TRABD2B: variants seen among roughly 807,000 people sequenced by gnomAD.
TRABD2B encodes TraB domain containing 2B, also known as metalloprotease TIKI2.
In TRABD2B, 14 loss-of-function variants were observed where a neutral mutation model predicts 40.1. The observed-to-expected ratio is 0.35, with a 90% CI of 0.23 to 0.55. The LOEUF (loss-of-function observed/expected upper bound fraction) is 0.55, where lower values mean the gene tolerates loss of function less well. Ranked by LOEUF, TRABD2B falls within the 20% of genes least tolerant of loss-of-function variation. The pLI, the probability that TRABD2B is intolerant of heterozygous loss-of-function variation, is 0.90. For synonymous variants in TRABD2B, 263 were observed against 277.0 expected (o/e 0.95, Z 0.50); for missense variants, 541 against 648.6 (o/e 0.83, Z 1.80).
At chr1:47,794,518 G>T (rs1186899629) in intron 4 of TRABD2B, 68 bp downstream of exon 4, 2 of 1,453,234 alleles carry the variant, frequency 1.4e-6, no homozygotes, top group East Asian at 2.6e-5. Context: ...ATGAAGTAGA[G>T]GTTAGGGGAG....
intron 2 of TRABD2B, among the ~76,000 whole-genome samples, chr1:47,944,606 T>C (rs1384387250): frequency 6.6e-6 from 1 of 152,146 alleles, no homozygotes; most frequent in Non-Finnish European, 1.5e-5. Flanking sequence ...CTGAAGCCCC[T>C]CTACACATTT....
In TRABD2B at chr1:47,946,664, A is replaced by G. The variant is rs565762750; in HGVS notation, c.666+47370T>C. 2.6e-5 allele frequency among the ~76,000 whole-genome samples: 4 copies of G among 152,300 alleles called. No homozygotes were observed. In the East Asian group the frequency reaches 7.7e-4, roughly 29 times the overall value. ...AATTTTGTTGAGAGTTTTTGCATCA[A>G]TTTAATGACACAAGGGGTTTTGGTC... On this transcript the variant is annotated intron_variant, in intron 2 of 6. Coordinates refer to ENST00000606738, the MANE Select transcript of TRABD2B (RefSeq NM_001194986.2).
intron 2 of TRABD2B, among the ~76,000 whole-genome samples, chr1:47,950,862 T>G (rs901697597): frequency 1.1e-4 from 17 of 152,232 alleles, no homozygotes; most frequent in Admixed American, 1.0e-3. Context: ...AAAAAGGCAA[T>G]GGAAACTCCA....
chr1:47,947,602 A>AGGTT (rs1645277288), intron 2 of TRABD2B, among the ~76,000 whole-genome samples: 1 of 152,102 alleles, frequency 6.6e-6, no homozygotes, highest in Admixed American at 6.5e-5. Context: ...ACATGGTTGG[A>AGGTT]GGAGTTCGGG....
At chr1:47,790,586 A>T (rs536433973) in intron 4 of TRABD2B, among the ~76,000 whole-genome samples, 3 of 152,314 alleles carry the variant, frequency 2.0e-5, no homozygotes, top group Admixed American at 6.5e-5. Flanking sequence ...TTTCCACAAA[A>T]TCATCAACAC....
intron 2 of TRABD2B, among the ~76,000 whole-genome samples, chr1:47,956,351 G>A (rs1447063269): frequency 2.0e-5 from 3 of 152,184 alleles, no homozygotes; most frequent in East Asian, 3.9e-4. Flanking sequence ...TCATCTCACT[G>A]GGGCTTGTCG....
At chr1:47,792,289 A>G (rs1174491129) in intron 4 of TRABD2B, among the ~76,000 whole-genome samples, 2 of 152,190 alleles carry the variant, frequency 1.3e-5, no homozygotes, top group Non-Finnish European at 2.9e-5. Context: ...TCATTCTTTC[A>G]TTCACTCAGC....
intron 2 of TRABD2B, among the ~76,000 whole-genome samples, chr1:47,853,024 G>A (rs1001510455): frequency 6.6e-6 from 1 of 152,090 alleles, no homozygotes; most frequent in Non-Finnish European, 1.5e-5. Flanking sequence ...AAGGGGGGTG[G>A]GTGGGAAAGC....
intron 2 of TRABD2B, among the ~76,000 whole-genome samples, chr1:47,933,030 A>G (rs1327753823): frequency 6.6e-6 from 1 of 152,094 alleles, no homozygotes; most frequent in Non-Finnish European, 1.5e-5. Flanking sequence ...ATGAGTGGCA[A>G]TGAGCAGACC....
At position 47,778,450 on chromosome 1, in the gene TRABD2B, T is replaced by C; in HGVS notation, c.1079+4A>G. The C allele has an allele frequency of 6.5e-7, 1 of 1,535,044 alleles. No homozygotes were observed. Among genetic ancestry groups the C allele is most frequent in the Non-Finnish European group, 8.7e-7 (1 of 1,145,900 alleles). On this transcript the variant is annotated splice_donor_region_variant and intron_variant, in intron 5 of 6. Transcript: ENST00000606738. ...GGGCCAAGGCACACCCAGATGTGGC[T>C]TACCTGTGTATGGCCTGCCCGGCGG...
chr1:47,770,720 A>G (rs1218198121), intron 6 of TRABD2B, among the ~76,000 whole-genome samples: 1 of 152,192 alleles, frequency 6.6e-6, no homozygotes, highest in Non-Finnish European at 1.5e-5. Flanking sequence ...CCTCACTAGC[A>G]CTAAATGCAG....
intron 2 of TRABD2B, among the ~76,000 whole-genome samples, chr1:47,843,034 C>T (rs111693915): frequency 0.02 from 2,988 of 151,920 alleles, 102 homozygotes; most frequent in African/African-American, 0.068. Context: ...GGCAGCTGCC[C>T]GAAGGACAGC....
rs1015804168 is a variant in TRABD2B, at chr1:47,794,635, C to T, written c.939G>A (p.Ala313=). The change falls in exon 4 of 7, where the codon GCG becomes GCA. Residue 313 remains alanine (A), a synonymous_variant. Transcript: ENST00000606738. ...RNERMGKRVM[A]LLRENEDKIC... ...TCTTGTCCTCGTTCTCCCGTAGAAG[C>T]GCCATGACCCTCTTCCCCATGCGCT... The T allele has an allele frequency of 1.3e-5, 20 of 1,535,924 alleles. No homozygotes were observed. Among genetic ancestry groups the T allele is most frequent in the African/African-American group, 4.1e-5 (3 of 72,992 alleles).
chr1:47,776,316 C>T (rs968509441), intron 5 of TRABD2B, among the ~76,000 whole-genome samples: 2 of 152,188 alleles, frequency 1.3e-5, no homozygotes, highest in African/African-American at 2.4e-5. Context: ...ACTTGCAAGC[C>T]GTGTGATGAA....
At chr1:47,806,577 GC>G (rs1354600607) in intron 2 of TRABD2B, among the ~76,000 whole-genome samples, 2 of 152,158 alleles carry the variant, frequency 1.3e-5, no homozygotes, top group African/African-American at 4.8e-5. Context: ...CTGTGTGGAG[GC>G]CCAGCCACCA....
chr1:47,824,825 ACAT>A (rs963906002), intron 2 of TRABD2B, among the ~76,000 whole-genome samples: 1 of 152,178 alleles, frequency 6.6e-6, no homozygotes, highest in Non-Finnish European at 1.5e-5. Context: ...CCAGAGTGGC[ACAT>A]CATAAATAGT....
intron 2 of TRABD2B, among the ~76,000 whole-genome samples, chr1:47,851,632 C>T (rs1378114567): frequency 1.3e-5 from 2 of 152,316 alleles, no homozygotes; most frequent in East Asian, 3.9e-4. Context: ...CTGTCATTTG[C>T]TCGGACAAGT....
chr1:47,925,184 T>C (rs902758627), intron 2 of TRABD2B, among the ~76,000 whole-genome samples: 23 of 152,178 alleles, frequency 1.5e-4, no homozygotes, highest in African/African-American at 5.1e-4. Context: ...CTTGTTACTC[T>C]CCCTCAAAAC....
In TRABD2B at chr1:47,782,274, G is replaced by A. The variant is rs546469891; in HGVS notation, c.989-3730C>T. On this transcript the variant is annotated intron_variant, in intron 4 of 6. Transcript: ENST00000606738. The stretch of plus-strand genomic sequence containing the variant: ...TTCTCCTCGCTCCTCATCTTCATAC[G>A]ATCAGTTCCCAGAGGCCCCCTGCTG... Among the ~76,000 whole-genome samples, 40 of 152,212 alleles carry A rather than the reference G, an allele frequency of 2.6e-4. 1 individual carries two copies. Among genetic ancestry groups the A allele is most frequent in the African/African-American group, 8.9e-4 (37 of 41,538 alleles).
Sources: allele counts gnomAD v4.1 joint callset (sites outside exome capture counted in the v4.1 genomes callset), GRCh38; gene constraint gnomAD v4.1.1; transcripts MANE v1.5; gene names NCBI Gene and HGNC (gene_info 2026-07-23, HGNC 2026-07-21).